The following TRMT11 variants were observed in gnomAD, a reference collection of about 807,000 sequenced individuals.
TRMT11 encodes tRNA methyltransferase 11, also known as tRNA (guanine(10)-N(2))-methyltransferase TRMT11.
TRMT11 carries 53 observed loss-of-function variants against 62.8 expected under a neutral mutation model. That is an observed-to-expected ratio of 0.84 (90% CI 0.68 to 1.06). The LOEUF (loss-of-function observed/expected upper bound fraction) is 1.06. Ranked by LOEUF, TRMT11 falls within the 50% of genes least tolerant of loss-of-function variation. The pLI is 0.00. For synonymous variants in TRMT11, 188 were observed against 190.3 expected, an observed-to-expected ratio of 0.99 and a Z score of 0.10; for missense variants, 556 against 553.4, an observed-to-expected ratio of 1.00 and a Z score of -0.05.
the TRMT11 span, among the ~76,000 whole-genome samples, chr6:126,268,712 C>CT: frequency 3.3e-5 from 5 of 152,030 alleles, no homozygotes; most frequent in South Asian, 1.0e-3. Flanking sequence ...TGTTAGTGTT[C>CT]TGGAACATTT....
At chr6:126,059,602 A>G (rs776420520) in intron 17 of TRMT11, among the ~76,000 whole-genome samples, 17 of 152,172 alleles carry the variant, frequency 1.1e-4, no homozygotes, top group Non-Finnish European at 2.1e-4. Context: ...AATCTTCATA[A>G]CCATTTTATG....
the TRMT11 span, among the ~76,000 whole-genome samples, chr6:126,224,790 G>C: frequency 1.3e-5 from 2 of 152,246 alleles, no homozygotes; most frequent in African/African-American, 4.8e-5. Flanking sequence ...TGGTGCACAT[G>C]CCAGTGGCAG....
chr6:126,114,852 G>T (rs922756974), intron 19 of TRMT11, among the ~76,000 whole-genome samples: 7 of 152,016 alleles, frequency 4.6e-5, no homozygotes, highest in Non-Finnish European at 7.4e-5. Flanking sequence ...TTGATAAAGA[G>T]CAAATCTGTG....
At chr6:126,127,742 A>G (rs991278923) in intron 21 of TRMT11, among the ~76,000 whole-genome samples, 1 of 142,322 alleles carries the variant, frequency 7.0e-6, no homozygotes, top group Non-Finnish European at 1.5e-5. Flanking sequence ...CCTATGAGTG[A>G]GAACACGTGG....
At chr6:126,226,737 A>T in the TRMT11 span, among the ~76,000 whole-genome samples, 1 of 152,198 alleles carries the variant, frequency 6.6e-6, no homozygotes, top group Non-Finnish European at 1.5e-5. Context: ...AAAATTCTGT[A>T]TTCCTCATTT....
At chr6:126,116,348 C>T (rs933182123) in intron 21 of TRMT11, among the ~76,000 whole-genome samples, 5 of 152,024 alleles carry the variant, frequency 3.3e-5, no homozygotes, top group Non-Finnish European at 5.9e-5. Flanking sequence ...CATTATTTTG[C>T]TAGGTCTGTC....
intron 1 of TRMT11, 28 bp downstream of exon 1, chr6:125,986,650 C>G: frequency 5.8e-6 from 9 of 1,563,636 alleles, no homozygotes; most frequent in Non-Finnish European, 7.8e-6. Context: ...TCCGGAACTT[C>G]CGACGGAAGA....
At chr6:126,160,975 G>A (rs1035834819) in intron 21 of TRMT11, among the ~76,000 whole-genome samples, 14 of 152,128 alleles carry the variant, frequency 9.2e-5, no homozygotes, top group Admixed American at 5.2e-4. Context: ...TTTAGAAATC[G>A]AAGTACAAAT....
intron 11 of TRMT11, among the ~76,000 whole-genome samples, chr6:126,014,748 C>G (rs1794736380): frequency 6.6e-6 from 1 of 152,118 alleles, no homozygotes; most frequent in Non-Finnish European, 1.5e-5. Flanking sequence ...TACCCAGATC[C>G]CTTAACACTG....
chr6:126,050,439 A>AC (rs1273135093), intron 16 of TRMT11, among the ~76,000 whole-genome samples: 2 of 152,138 alleles, frequency 1.3e-5, no homozygotes, highest in Admixed American at 6.5e-5. Context: ...GCAGTGGCTC[A>AC]CGCCTGTATT....
At chr6:126,072,620 G>A in intron 17 of TRMT11, among the ~76,000 whole-genome samples, 1 of 152,156 alleles carries the variant, frequency 6.6e-6, no homozygotes, top group South Asian at 2.1e-4. Context: ...AGTTCAGGCT[G>A]CTATAACAAT....
the TRMT11 span, among the ~76,000 whole-genome samples, chr6:126,215,077 A>G: frequency 1.0e-4 from 15 of 150,224 alleles, no homozygotes; most frequent in African/African-American, 2.7e-4. Flanking sequence ...TTTTTTTTTG[A>G]ATTTTTAAAG....
intron 1 of TRMT11, among the ~76,000 whole-genome samples, chr6:126,193,196 A>T (rs1206752813): frequency 2.0e-5 from 3 of 151,966 alleles, no homozygotes; most frequent in African/African-American, 7.2e-5. Context: ...TAGGTTTTCC[A>T]ATTTATTGAC....
chr6:126,191,762 C>G, intron 1 of TRMT11, among the ~76,000 whole-genome samples: 1 of 151,954 alleles, frequency 6.6e-6, no homozygotes, highest in East Asian at 1.9e-4. Context: ...TATAAGTGTA[C>G]GATGTATCTC....
chr6:126,149,312 A>T (rs1778010796), intron 21 of TRMT11, among the ~76,000 whole-genome samples: 1 of 152,200 alleles, frequency 6.6e-6, no homozygotes, highest in Non-Finnish European at 1.5e-5. Context: ...CTAGTGTCTT[A>T]CTGTACAGAA....
chr6:126,013,428 T>C (rs1046430854), intron 11 of TRMT11, among the ~76,000 whole-genome samples: 2 of 152,082 alleles, frequency 1.3e-5, no homozygotes, highest in Non-Finnish European at 2.9e-5. Context: ...AGCTATTTTT[T>C]ATTTTTATTT....
intron 11 of TRMT11, among the ~76,000 whole-genome samples, chr6:126,018,942 G>A (rs755157055): frequency 4.6e-5 from 7 of 151,912 alleles, no homozygotes; most frequent in Non-Finnish European, 5.9e-5. Flanking sequence ...GTGCAGTGGC[G>A]TGATCTCGGC....
chr6:126,093,615 A>ATATATATATATATATATG (rs1777303756), intron 17 of TRMT11, among the ~76,000 whole-genome samples: 2 of 89,168 alleles, frequency 2.2e-5, no homozygotes, highest in South Asian at 5.7e-4. Flanking sequence ...ATATATATAT[A>ATATATATATATATATATG]TATATATATA....
the TRMT11 span, among the ~76,000 whole-genome samples, chr6:126,212,615 T>G: frequency 6.6e-6 from 1 of 152,176 alleles, no homozygotes. Context: ...TAGCCCATTT[T>G]TGATCAGACT....
Sources: gnomAD v4.1 joint callset for allele counts (sites outside exome capture counted in the v4.1 genomes callset) on GRCh38, gnomAD v4.1.1 for gene constraint, MANE v1.5 for transcripts, NCBI Gene and HGNC (gene_info 2026-07-23, HGNC 2026-07-21) for gene names.